The following TMCC3 variants were observed in gnomAD, a reference collection of about 807,000 sequenced individuals.
TMCC3 encodes transmembrane and coiled-coil domain protein 3.
TMCC3 carries 28 observed loss-of-function variants against 40.2 expected under a neutral mutation model. That is an observed-to-expected ratio of 0.70 (90% CI 0.52 to 0.95). The LOEUF (loss-of-function observed/expected upper bound fraction) is 0.95. TMCC3 is among the 40% of genes least tolerant of loss of function. TMCC3 has a pLI of 0.00. For missense variants in TMCC3, 554 were observed against 615.2 expected (o/e 0.90, Z 1.05); for synonymous variants, 255 against 248.5 (o/e 1.03, Z -0.25).
chr12:94,622,671 G>A (rs935056386), intron 1 of TMCC3, among the ~76,000 whole-genome samples: 1 of 152,068 alleles, frequency 6.6e-6, no homozygotes, highest in African/African-American at 2.4e-5. Context: ...TCCATACTCT[G>A]ATTTTTATCT....
chr12:94,619,802 G>T (rs117637736), intron 1 of TMCC3, among the ~76,000 whole-genome samples: 1 of 152,104 alleles, frequency 6.6e-6, no homozygotes, highest in African/African-American at 2.4e-5. Context: ...ATCAATAGGC[G>T]ACTGGTTAAA....
chr12:94,632,146 CAG>C (rs1321436146), intron 1 of TMCC3, among the ~76,000 whole-genome samples: 1 of 152,168 alleles, frequency 6.6e-6, no homozygotes, highest in African/African-American at 2.4e-5. Flanking sequence ...AGGTGCTAAG[CAG>C]AGAGAAGGCT....
intron 1 of TMCC3, among the ~76,000 whole-genome samples, chr12:94,609,269 T>C (rs2068801203): frequency 6.6e-6 from 1 of 152,030 alleles, no homozygotes; most frequent in Non-Finnish European, 1.5e-5. Flanking sequence ...ATCAAGGAAT[T>C]TGACAAGGTC....
chr12:94,630,902 T>C (rs932670620), intron 1 of TMCC3, among the ~76,000 whole-genome samples: 1 of 152,118 alleles, frequency 6.6e-6, no homozygotes, highest in Non-Finnish European at 1.5e-5. Flanking sequence ...CTAATTTTTG[T>C]ATTTTTAGTA....
At chr12:94,631,934 T>A (rs937508053) in intron 1 of TMCC3, among the ~76,000 whole-genome samples, 1 of 152,198 alleles carries the variant, frequency 6.6e-6, no homozygotes, top group African/African-American at 2.4e-5. Context: ...TGTTCATAGA[T>A]GCATTACTCT....
chr12:94,642,559 G>A (rs569998217), intron 1 of TMCC3, among the ~76,000 whole-genome samples: 1 of 152,342 alleles, frequency 6.6e-6, no homozygotes, highest in South Asian at 2.1e-4. Flanking sequence ...CATTTAAAAT[G>A]TGGCTTCCTC....
chr12:94,601,345 T>C (rs2086585186), intron 1 of TMCC3, among the ~76,000 whole-genome samples: 1 of 151,948 alleles, frequency 6.6e-6, no homozygotes, highest in South Asian at 2.1e-4. Flanking sequence ...TGAAAGCCCA[T>C]CTCTACCAAA....
Position 94,611,547 on chromosome 12 carries a change from G to A in TMCC3, c.79-29009C>T, listed in dbSNP as rs564082359. Among the ~76,000 whole-genome samples, 9 of 152,146 alleles carry A rather than the reference G, an allele frequency of 5.9e-5. 1 individual carries two copies. The highest frequency in any genetic ancestry group is 2.2e-4 in the African/African-American group (9 of 41,516). ...CAGACCATGGCAGTGTATGATAGGC[G>A]TATATATACAGTTGTCCCTTGGAAT... On this transcript the variant is annotated intron_variant, in intron 1 of 3. Coordinates refer to ENST00000261226, the MANE Select transcript of TMCC3 (RefSeq NM_020698.4).
intron 1 of TMCC3, among the ~76,000 whole-genome samples, chr12:94,607,510 T>C (rs2651961): frequency 0.36 from 54,141 of 152,074 alleles, 10,743 homozygotes; most frequent in Middle Eastern, 0.46. Context: ...AACTTATAAA[T>C]GTCCATGAAA....
At chr12:94,641,783 T>A (rs1475148888) in intron 1 of TMCC3, among the ~76,000 whole-genome samples, 1 of 152,136 alleles carries the variant, frequency 6.6e-6, no homozygotes, top group East Asian at 1.9e-4. Flanking sequence ...ATGAGCTCCA[T>A]GGCTTATGCA....
Position 94,582,050 on chromosome 12 carries a change from T to C in TMCC3, c.567A>G (p.Pro189=), listed in dbSNP as rs754066060. Residue 189 remains proline, a synonymous_variant, in exon 2 of 4, where the codon CCA becomes CCG. Coordinates refer to ENST00000261226, the MANE Select transcript of TMCC3 (RefSeq NM_020698.4). ...ACACAGGTGGAGTAAGTGAGACCCC[T>C]GGCATGCCCGATTTGCTGCTCTCCA... The part of the protein sequence containing the change: ...HCMESSKSGM[P]GVSLTPPVFV... 1.4e-5 allele frequency: 23 copies of C among 1,614,080 alleles called. No individual in the cohort carries two copies. The highest frequency in any genetic ancestry group is 1.9e-5 in the Non-Finnish European group (22 of 1,180,036).
In TMCC3 at chr12:94,571,400, A is replaced by C. The variant is rs1161743995; in HGVS notation, c.*35T>G. ...TGCACAGAGTTTTCTTTAAAATAAA[A>C]ACTTGAAAGAACTTGAAGGCAGGAA... is the stretch of plus-strand genomic sequence containing the variant. On this transcript the variant is annotated 3_prime_UTR_variant, in exon 4 of 4. Coordinates refer to ENST00000261226, the MANE Select transcript of TMCC3 (RefSeq NM_020698.4). 1 of 1,590,846 alleles carries C rather than the reference A, an allele frequency of 6.3e-7. No homozygotes were observed. The highest frequency in any genetic ancestry group is 8.6e-7 in the Non-Finnish European group (1 of 1,167,490).
At chr12:94,626,352 C>T (rs1163017475) in intron 1 of TMCC3, among the ~76,000 whole-genome samples, 3 of 152,134 alleles carry the variant, frequency 2.0e-5, no homozygotes, top group African/African-American at 7.2e-5. Context: ...TTAGCATCTT[C>T]AAACAAACAT....
At chr12:94,600,280 C>T (rs1421429507) in intron 1 of TMCC3, among the ~76,000 whole-genome samples, 1 of 141,124 alleles carries the variant, frequency 7.1e-6, no homozygotes, top group Non-Finnish European at 1.5e-5. Flanking sequence ...GGTTTCTCTC[C>T]AGATTGACCC....
At chr12:94,629,023 T>C (rs2138874670) in intron 1 of TMCC3, among the ~76,000 whole-genome samples, 1 of 152,332 alleles carries the variant, frequency 6.6e-6, no homozygotes, top group Middle Eastern at 3.4e-3. Flanking sequence ...GCCATGACAA[T>C]TAACATTCCT....
At chr12:94,611,579 G>A (rs188363404) in intron 1 of TMCC3, among the ~76,000 whole-genome samples, 40 of 152,220 alleles carry the variant, frequency 2.6e-4, no homozygotes, top group Non-Finnish European at 4.4e-4. Flanking sequence ...GAATCCATGG[G>A]GGATTGGTTC....
intron 2 of TMCC3, 36 bp downstream of exon 2, chr12:94,581,582 TAAAA>T (rs1275918767): frequency 8.1e-7 from 1 of 1,234,828 alleles, no homozygotes; most frequent in East Asian, 3.0e-5. Flanking sequence ...AATAAATAAA[TAAAA>T]AATAAAAAAC....
At position 94,582,488 on chromosome 12, in the gene TMCC3, T is replaced by C; in HGVS notation, c.129A>G (p.Arg43=). 3 of 1,613,702 alleles carry C rather than the reference T, an allele frequency of 1.9e-6. No homozygotes were observed. Among genetic ancestry groups the C allele is most frequent in the Non-Finnish European group, 1.7e-6 (2 of 1,179,966 alleles). ...NTLSLPLNIR[R]GGSDTNLNFD... ...AGTTGAGGTTGGTGTCTGACCCCCCTCGGCGTATGTTCAGGGGCAGGCTTA... is the reference window on the plus strand; with the variant it reads ...AGTTGAGGTTGGTGTCTGACCCCCCCCGGCGTATGTTCAGGGGCAGGCTTA... Residue 43 remains arginine (R), a synonymous_variant, in exon 2 of 4, where the codon CGA becomes CGG. Coordinates refer to ENST00000261226, the MANE Select transcript of TMCC3 (RefSeq NM_020698.4).
intron 1 of TMCC3, among the ~76,000 whole-genome samples, chr12:94,627,445 A>G (rs886705609): frequency 2.0e-5 from 3 of 152,052 alleles, no homozygotes; most frequent in Non-Finnish European, 4.4e-5. Flanking sequence ...GCCCACCTAC[A>G]ATTTCTTTTC....
Sources: gnomAD v4.1 joint callset for allele counts (sites outside exome capture counted in the v4.1 genomes callset) on GRCh38, gnomAD v4.1.1 for gene constraint, MANE v1.5 for transcripts, NCBI Gene and HGNC (gene_info 2026-07-23, HGNC 2026-07-21) for gene names.